RGS12: variants seen among roughly 807,000 people sequenced by gnomAD.
The protein encoded by RGS12 is regulator of G-protein signaling 12.
In RGS12, 66 loss-of-function variants were observed where a neutral mutation model predicts 120.1. The ratio of observed to expected loss-of-function variants is 0.55; its 90% CI spans 0.45 to 0.67. The LOEUF (loss-of-function observed/expected upper bound fraction) is 0.67, where lower values mean the gene tolerates loss of function less well. Among genes scored for constraint, RGS12 ranks in the 30% least tolerant of loss-of-function variants. The pLI is 0.00. For missense variants in RGS12, 1,859 were observed against 1,957.7 expected (o/e 0.95, Z 0.95); for synonymous variants, 827 against 804.7 (o/e 1.03, Z -0.47).
At chr4:3,403,456 A>T (rs950147666) in intron 4 of RGS12, among the ~76,000 whole-genome samples, 1 of 152,122 alleles carries the variant, frequency 6.6e-6, no homozygotes, top group Admixed American at 6.5e-5. Context: ...CACCATGGAG[A>T]ATGTGGAGTC....
Position 3,317,952 on chromosome 4 carries a change from G to A in RGS12, c.1782G>A (p.Pro594=), listed in dbSNP as rs751083722. Reference sequence around the variant, plus strand: ...TGGAGGGCAGCTTCGCGCAGCCCCCGCTGAATGCCCCGAAGAGGGAGTGGT... The same window carrying A: ...TGGAGGGCAGCTTCGCGCAGCCCCCACTGAATGCCCCGAAGAGGGAGTGGT... ...YRVEGSFAQP[P]LNAPKREWSR... Residue 594 remains proline (P), a synonymous_variant, in exon 2 of 18, where the codon CCG becomes CCA. Coordinates refer to ENST00000336727, the MANE Select transcript of RGS12 (RefSeq NM_001394154.1). The A allele has an allele frequency of 8.1e-6, 13 of 1,614,054 alleles. No homozygotes were observed. Among genetic ancestry groups the A allele is most frequent in the African/African-American group, 4.0e-5 (3 of 74,956 alleles).
rs117723915 is a variant in RGS12 at position 3,377,292 on chromosome 4, G to A, written c.1999-9124G>A. Among the ~76,000 whole-genome samples the A allele has an allele frequency of 2.5e-3, 376 of 152,238 alleles. 13 individuals carry two copies. The East Asian group carries it at 0.067, about 27-fold the overall frequency. On this transcript the variant is annotated intron_variant, in intron 3 of 17. Coordinates refer to ENST00000336727, the MANE Select transcript of RGS12 (RefSeq NM_001394154.1). The stretch of plus-strand genomic sequence containing the variant: ...TTGCCATGTTGCCCAGGCTGGTCTC[G>A]AACTCCTGAGCTCAAGTGATCCTCC...
rs1218719686 is a variant in RGS12 at position 3,420,324 on chromosome 4, C to T, written c.2762-318C>T. On this transcript the variant is annotated intron_variant, in intron 9 of 17. Transcript: ENST00000336727. ...CCTGGGTCTGTGCTGTGTAACTGCA[C>T]GTACTGATGTGATTTGTTGGGCACC... 2.2e-5 allele frequency: 10 copies of T among 444,786 alleles called. 1 individual carries two copies. Among genetic ancestry groups the T allele is most frequent in the South Asian group, 7.0e-5 (3 of 42,960 alleles). 27.6% of individuals were successfully genotyped at this position (444,786 alleles called of 1,614,324 possible). A position where few individuals can be genotyped will look rare whatever the true frequency, so the allele number is the denominator to read the frequency against.
rs1420067154 is a variant in RGS12, at chr4:3,366,280, CAG to C, written c.1999-20135_1999-20134del. ...AGCTGTCTAGTTGGTTATGCGGGGT[CAG>C]GGGTGGAGGGCAGGAGGATGGGAGA... On this transcript the variant is annotated intron_variant, in intron 3 of 17. Coordinates refer to ENST00000336727, the MANE Select transcript of RGS12 (RefSeq NM_001394154.1). This position sits in a 1 kb window ranked among gnomAD's most constrained non-coding sequence, Gnocchi z 4.0. Among the ~76,000 whole-genome samples the C allele has an allele frequency of 6.6e-6, 1 of 152,060 alleles. No homozygotes were observed. Among genetic ancestry groups the C allele is most frequent in the African/African-American group, 2.4e-5 (1 of 41,374 alleles).
intron 2 of RGS12, among the ~76,000 whole-genome samples, chr4:3,335,035 A>G (rs920844752): frequency 3.9e-5 from 6 of 152,184 alleles, no homozygotes; most frequent in African/African-American, 1.4e-4. Flanking sequence ...CGGTGAAGAA[A>G]TTATGTGCTT....
intron 4 of RGS12, among the ~76,000 whole-genome samples, chr4:3,400,942 A>G (rs923496134): frequency 6.6e-6 from 1 of 151,928 alleles, no homozygotes; most frequent in African/African-American, 2.4e-5. Context: ...TTAACATTGT[A>G]TTGAGATTCT....
chr4:3,308,994 A>G (rs1003308534), intron 1 of RGS12, among the ~76,000 whole-genome samples: 10 of 152,222 alleles, frequency 6.6e-5, no homozygotes, highest in African/African-American at 2.4e-4. Flanking sequence ...GTGTCCGCTG[A>G]GGGGAACCGG....
intron 2 of RGS12, among the ~76,000 whole-genome samples, chr4:3,342,063 C>T (rs1233811649): frequency 2.0e-5 from 3 of 151,800 alleles, no homozygotes; most frequent in Non-Finnish European, 2.9e-5. Flanking sequence ...CAGAAAGGTG[C>T]AGGCATGCTG....
At chr4:3,382,014 A>G (rs114018681) in intron 3 of RGS12, among the ~76,000 whole-genome samples, 1,617 of 152,280 alleles carry the variant, frequency 0.011, 22 homozygotes, top group African/African-American at 0.037. Context: ...TTTGTACACC[A>G]CAAAGTTTTA....
intron 4 of RGS12, among the ~76,000 whole-genome samples, chr4:3,411,731 C>A (rs1356756295): frequency 6.6e-6 from 1 of 152,290 alleles, no homozygotes; most frequent in Non-Finnish European, 1.5e-5. Context: ...GAGAGTTTCA[C>A]ACCTGGCTTA....
upstream of RGS12, chr4:3,292,886 C>A (rs1289715707): frequency 1.3e-5 from 2 of 151,160 alleles, no homozygotes; most frequent in Non-Finnish European, 3.0e-5. Context: ...TCGCCCCGCC[C>A]CGTGCCCCGC....
intron 4 of RGS12, among the ~76,000 whole-genome samples, chr4:3,401,407 G>C (rs1290029944): frequency 6.6e-6 from 1 of 152,244 alleles, no homozygotes; most frequent in Non-Finnish European, 1.5e-5. Flanking sequence ...CACTTAGTCA[G>C]ACGATGTTAT....
chr4:3,342,900 A>G, intron 2 of RGS12, 37 bp from the exon 3 acceptor site: 1 of 1,415,210 alleles, frequency 7.1e-7, no homozygotes, highest in Non-Finnish European at 1.0e-6. Context: ...ATCTCTTTGC[A>G]AAAGAATAAC....
chr4:3,412,471 TG>T (rs1228823249), intron 4 of RGS12, among the ~76,000 whole-genome samples: 1 of 152,248 alleles, frequency 6.6e-6, no homozygotes, highest in African/African-American at 2.4e-5. Context: ...GGCCCCTTGC[TG>T]ATAATAAGAT....
chr4:3,337,162 A>C (rs944143345), intron 2 of RGS12, among the ~76,000 whole-genome samples: 1 of 152,104 alleles, frequency 6.6e-6, no homozygotes, highest in African/African-American at 2.4e-5. Flanking sequence ...AGCACCTTAC[A>C]CTCCTTGGGA....
intron 2 of RGS12, among the ~76,000 whole-genome samples, chr4:3,320,811 A>G (rs746595609): frequency 3.9e-5 from 6 of 152,128 alleles, no homozygotes; most frequent in Non-Finnish European, 8.8e-5. Context: ...GTCGCCGTGG[A>G]CAGGTCTGCA....
intron 3 of RGS12, among the ~76,000 whole-genome samples, chr4:3,373,845 C>T (rs747284910): frequency 1.4e-4 from 21 of 152,224 alleles, no homozygotes; most frequent in African/African-American, 4.1e-4. Flanking sequence ...CTCTGAGTCT[C>T]GTCATCTATA....
In RGS12 at chr4:3,349,304, C is replaced by T. The variant is rs557289039; in HGVS notation, c.1998+6251C>T. 2.6e-5 allele frequency among the ~76,000 whole-genome samples: 4 copies of T among 152,236 alleles called. No individual in the cohort carries two copies. In the South Asian group the frequency reaches 8.3e-4, roughly 32 times the overall value. On this transcript the variant is annotated intron_variant, in intron 3 of 17. Transcript: ENST00000336727. ...CATCCTTAAGCCTTTCTGCTTTGTTCTGTACTTCCTCTTTCTTAAAACAAC... is the reference window on the plus strand; with the variant it reads ...CATCCTTAAGCCTTTCTGCTTTGTTTTGTACTTCCTCTTTCTTAAAACAAC...
intron 1 of RGS12, among the ~76,000 whole-genome samples, chr4:3,297,520 G>T (rs1411682492): frequency 6.6e-6 from 1 of 152,156 alleles, no homozygotes; most frequent in Non-Finnish European, 1.5e-5. Flanking sequence ...CATAATCACT[G>T]CATTTTTGGT....
Sources: gnomAD v4.1 joint callset for allele counts (sites outside exome capture counted in the v4.1 genomes callset) on GRCh38, gnomAD v4.1.1 for gene constraint, Gnocchi (gnomAD v3.1) non-coding constraint, MANE v1.5 for transcripts, NCBI Gene and HGNC (gene_info 2026-07-23, HGNC 2026-07-21) for gene names.